AHDC1: variants seen among roughly 807,000 people sequenced by gnomAD.
The protein encoded by AHDC1 is transcription factor Gibbin.
In AHDC1, 7 loss-of-function variants were observed where a neutral mutation model predicts 87.9. The ratio of observed to expected loss-of-function variants is 0.08; its 90% confidence interval spans 0.05 to 0.15. AHDC1 has a LOEUF of 0.15. Among genes scored for constraint, AHDC1 ranks in the 10% least tolerant of loss-of-function variants. The pLI is 1.00. For synonymous variants in AHDC1, 1,051 were observed against 1,006.8 expected, an observed-to-expected ratio of 1.04 and a Z score of -0.83; for missense variants, 1,841 against 2,253.2, an observed-to-expected ratio of 0.82 and a Z score of 3.70.
intron 3 of AHDC1, among the ~76,000 whole-genome samples, chr1:27,575,316 G>A (rs2088686550): frequency 6.6e-6 from 1 of 152,212 alleles, no homozygotes; most frequent in Non-Finnish European, 1.5e-5. Flanking sequence ...CCAGGCGGCT[G>A]GGGGAGGGGC....
chr1:27,558,112 G>T lies in AHDC1; in HGVS notation c.-225+193C>A, dbSNP rs1259546322. 6.6e-6 allele frequency among the ~76,000 whole-genome samples: 1 copy of T among 152,216 alleles called. No individual in the cohort carries two copies. Among genetic ancestry groups the T allele is most frequent in the Non-Finnish European group, 1.5e-5 (1 of 68,022 alleles). Reference sequence around the variant, plus strand: ...TCTAGGGAGCTTCCTGGAGCCGCAGGCTTCATGTGTCAGTTCAGGGAGTTG... The same window carrying T: ...TCTAGGGAGCTTCCTGGAGCCGCAGTCTTCATGTGTCAGTTCAGGGAGTTG... On this transcript the variant is annotated intron_variant, in intron 5 of 8. Coordinates refer to ENST00000673934, the MANE Select transcript of AHDC1 (RefSeq NM_001371928.1). This position sits in a 1 kb window ranked among gnomAD's most constrained non-coding sequence, Gnocchi z 5.6.
intron 8 of AHDC1, among the ~76,000 whole-genome samples, chr1:27,544,824 C>A (rs1438058381): frequency 6.6e-6 from 1 of 152,200 alleles, no homozygotes; most frequent in African/African-American, 2.4e-5. Context: ...CTCCCTGCTT[C>A]AACACTAGCC....
chr1:27,545,812 A>G (rs80143757), intron 8 of AHDC1, among the ~76,000 whole-genome samples: 341 of 152,236 alleles, frequency 2.2e-3, no homozygotes, highest in Middle Eastern at 0.017. Flanking sequence ...AGGGATTATC[A>G]AAGTAAATTT....
chr1:27,558,796 C>T lies in AHDC1; in HGVS notation c.-541G>A, dbSNP rs547335560. 7.5e-6 allele frequency: 3 copies of T among 398,622 alleles called. No individual in the cohort carries two copies. The highest frequency in any genetic ancestry group is 2.5e-4 in the South Asian group (2 of 7,856). 24.7% of individuals were successfully genotyped at this position (398,622 alleles called of 1,614,324 possible). ...GTGGTCTCTGCAACGGCCTGAGCGT[C>T]GCCCCGCACTCGGGGCCCTCTGCAC... On this transcript the variant is annotated 5_prime_UTR_variant, in exon 4 of 9. Transcript: ENST00000673934. This position sits in a 1 kb window ranked among gnomAD's most constrained non-coding sequence, Gnocchi z 5.6.
In AHDC1 at chr1:27,551,901, C is replaced by T. The variant is rs967063742; in HGVS notation, c.215G>A (p.Arg72Gln). The T allele has an allele frequency of 1.6e-5, 26 of 1,592,144 alleles. No homozygotes were observed. Among genetic ancestry groups the T allele is most frequent in the Non-Finnish European group, 2.2e-5 (26 of 1,168,318 alleles). Residue 72 changes from arginine (R) to glutamine (Q), a missense_variant, in exon 8 of 9, where the codon CGG becomes CAG. This residue lies in a region of AHDC1 where 142 missense variants were observed against 165.6 expected (regional missense o/e 0.86). Coordinates refer to ENST00000673934, the MANE Select transcript of AHDC1 (RefSeq NM_001371928.1). ...CCCCTTGGCAAGGACTGGTGGGCGCCGGGTGCTGGGGTCCCGGCGTGGGGG... is the reference window on the plus strand; with the variant it reads ...CCCCTTGGCAAGGACTGGTGGGCGCTGGGTGCTGGGGTCCCGGCGTGGGGG... ...RPPPRRDPST[R>Q]RPPVLAKGDD...
At chr1:27,557,812 T>C (rs999200601) in intron 5 of AHDC1, among the ~76,000 whole-genome samples, 5 of 152,194 alleles carry the variant, frequency 3.3e-5, no homozygotes, top group African/African-American at 1.2e-4. Flanking sequence ...TACTTCCGGG[T>C]ACCACATACA....
At position 27,547,649 on chromosome 1, in the gene AHDC1, A is replaced by G; in HGVS notation, c.4467T>C (p.Ala1489=). The G allele has an allele frequency of 6.3e-7, 1 of 1,598,876 alleles. No individual in the cohort carries two copies. The highest frequency in any genetic ancestry group is 8.5e-7 in the Non-Finnish European group (1 of 1,173,434). Residue 1489 remains alanine, a synonymous_variant, in exon 8 of 9, where the codon GCT becomes GCC. Coordinates refer to ENST00000673934, the MANE Select transcript of AHDC1 (RefSeq NM_001371928.1). This position sits in a 1 kb window ranked among gnomAD's most constrained non-coding sequence, Gnocchi z 4.9. The stretch of plus-strand genomic sequence containing the variant: ...CGGCCTCCGTCCTGCCCAGGAAGTC[A>G]GCCAGCAGCCCTGTACCCACCTTGC... ...YEGKVGTGLL[A]DFLGRTEAAC...
At position 27,548,960 on chromosome 1, in the gene AHDC1, C is replaced by T. The variant is rs752982432; in HGVS notation, c.3156G>A (p.Thr1052=). 71 of 1,571,684 alleles carry T rather than the reference C, an allele frequency of 4.5e-5. No homozygotes were observed. The highest frequency in any genetic ancestry group is 4.0e-4 in the South Asian group (35 of 86,664). ...TGGCCCGGCTGTCACAGCGCAGGGG[C>T]GTGGGGGCTGAACCAGAGAAGGGGG... ...EGAPFSGSAP[T]PLRCDSRAST... Residue 1052 remains threonine (T), a synonymous_variant, in exon 8 of 9, where the codon ACG becomes ACA. Transcript: ENST00000673934.
At chr1:27,544,756 C>T (rs1301050976) in intron 8 of AHDC1, among the ~76,000 whole-genome samples, 4 of 152,176 alleles carry the variant, frequency 2.6e-5, no homozygotes, top group African/African-American at 7.2e-5. Flanking sequence ...AGGGGGCAGC[C>T]GTCCCACCAC....
At position 27,547,603 on chromosome 1, in the gene AHDC1, G is replaced by C; in HGVS notation, c.4513C>G (p.Leu1505Val). The change falls in exon 8 of 9, where the codon CTG becomes GTG. Residue 1505 changes from leucine to valine, a missense_variant. By Grantham distance (32) the Leu-to-Val change is conservative (BLOSUM62 1). Transcript: ENST00000673934. The surrounding 1 kb of genome is among the most constrained non-coding windows in gnomAD (Gnocchi z 4.9). Reference protein sequence around the residue: ...TEAACLSAPHLASPPATPKAD... With the variant: ...TEAACLSAPHVASPPATPKAD... ...TTGGGCGTGGCTGGTGGGCTAGCCAGGTGAGGGGCACTGAGGCACGCGGCC... is the reference window on the plus strand; with the variant it reads ...TTGGGCGTGGCTGGTGGGCTAGCCACGTGAGGGGCACTGAGGCACGCGGCC... 3 of 1,605,464 alleles carry C rather than the reference G, an allele frequency of 1.9e-6. No individual in the cohort carries two copies. Among genetic ancestry groups the C allele is most frequent in the Non-Finnish European group, 2.5e-6 (3 of 1,176,826 alleles).
intron 3 of AHDC1, among the ~76,000 whole-genome samples, chr1:27,586,971 C>T (rs1379467927): frequency 1.3e-5 from 2 of 152,154 alleles, no homozygotes; most frequent in African/African-American, 4.8e-5. Flanking sequence ...AGGCCCTGGC[C>T]CCTCATTTGG....
rs1423817684 is a variant in AHDC1 at position 27,565,112 on chromosome 1, G to T, written c.-628-6229C>A. Among the ~76,000 whole-genome samples, 1 of 152,176 alleles carries T rather than the reference G, an allele frequency of 6.6e-6. No homozygotes were observed. Among genetic ancestry groups the T allele is most frequent in the Non-Finnish European group, 1.5e-5 (1 of 68,012 alleles). ...CAGCGGCGATCTGGGCGGCTGGCAG[G>T]CATGCTCGCTCCCGCGCAGGGAAGC... is the stretch of plus-strand genomic sequence containing the variant. On this transcript the variant is annotated intron_variant, in intron 3 of 8. Transcript: ENST00000673934. The surrounding 1 kb of genome is among the most constrained non-coding windows in gnomAD (Gnocchi z 4.6).
In AHDC1 at chr1:27,549,072, G is replaced by A. The variant is rs1288645383; in HGVS notation, c.3044C>T (p.Ala1015Val). ...GNSLPASPSS[A>V]HSAGYAPPPT... The stretch of plus-strand genomic sequence containing the variant: ...CGGTGGGGCATAGCCGGCGCTGTGG[G>A]CGCTGCTGGGTGAGGCAGGGAGGCT... The change falls in exon 8 of 9, where the codon GCC becomes GTC. Residue 1015 changes from alanine to valine, a missense_variant. Ala to Val is a moderately conservative substitution (Grantham distance 64, BLOSUM62 0). Around this residue, in one of 13 missense-constraint regions of AHDC1, gnomAD observed 378 missense variants for 399.0 expected, o/e 0.95. Coordinates refer to ENST00000673934, the MANE Select transcript of AHDC1 (RefSeq NM_001371928.1). The A allele has an allele frequency of 5.1e-6, 8 of 1,563,884 alleles. No individual in the cohort carries two copies. Among genetic ancestry groups the A allele is most frequent in the African/African-American group, 1.4e-5 (1 of 73,424 alleles).
rs1357427038 is a variant in AHDC1 at position 27,590,970 on chromosome 1, CATGATTT to C, written c.-629+12420_-629+12426del. Among the ~76,000 whole-genome samples the C allele has an allele frequency of 6.6e-6, 1 of 152,144 alleles. No homozygotes were observed. The highest frequency in any genetic ancestry group is 1.5e-5 in the Non-Finnish European group (1 of 68,010). On this transcript the variant is annotated intron_variant, in intron 3 of 8. Coordinates refer to ENST00000673934, the MANE Select transcript of AHDC1 (RefSeq NM_001371928.1). The surrounding 1 kb of genome is among the most constrained non-coding windows in gnomAD (Gnocchi z 5.4). ...GTTGAGGAGGAGAAACGAGATGCTC[CATGATTT>C]ATGAGCCTAATTCTTTTCCCTTAAA...
intron 8 of AHDC1, among the ~76,000 whole-genome samples, chr1:27,540,493 T>A (rs2018855755): frequency 6.6e-6 from 1 of 151,570 alleles, no homozygotes; most frequent in Admixed American, 6.6e-5. Flanking sequence ...GTAATTGCCC[T>A]AAAGGAGTTG....
chr1:27,567,648 T>C (rs942477458), intron 3 of AHDC1, among the ~76,000 whole-genome samples: 1 of 152,148 alleles, frequency 6.6e-6, no homozygotes, highest in Admixed American at 6.5e-5. Context: ...CTAACCCTCC[T>C]CTTTGCTCAA....
chr1:27,577,223 G>C (rs757535900), intron 3 of AHDC1, among the ~76,000 whole-genome samples: 1 of 152,204 alleles, frequency 6.6e-6, no homozygotes, highest in Non-Finnish European at 1.5e-5. Context: ...GATCATAAAT[G>C]AGGAAAGAAA....
intron 3 of AHDC1, among the ~76,000 whole-genome samples, chr1:27,579,044 CT>C (rs367554284): frequency 5.8e-3 from 766 of 133,184 alleles, no homozygotes; most frequent in Middle Eastern, 0.012. Flanking sequence ...TGTTCTAAAT[CT>C]TTTTTTTTTT....
rs780659388 is a variant in AHDC1, at chr1:27,549,271, G to A, written c.2845C>T (p.Pro949Ser). The change falls in exon 8 of 9, where the codon CCC becomes TCC. Residue 949 changes from proline (P) to serine (S), a missense_variant. Transcript: ENST00000673934. ...RAAETFPKLVPPPSAMARSPT... is the reference protein window; with the variant it reads ...RAAETFPKLVSPPSAMARSPT... The stretch of plus-strand genomic sequence containing the variant: ...GAGCGGGCCATGGCTGAGGGCGGGG[G>A]CACCAGCTTGGGGAAGGTCTCGGCT... 1.9e-6 allele frequency: 3 copies of A among 1,603,478 alleles called. No individual in the cohort carries two copies. In the Admixed American group the frequency reaches 5.0e-5, roughly 27 times the overall value.
Sources: allele counts gnomAD v4.1 joint callset (sites outside exome capture counted in the v4.1 genomes callset), GRCh38; gene constraint gnomAD v4.1.1; regional missense constraint gnomAD v4.1.1; non-coding constraint Gnocchi (gnomAD v3.1); transcripts MANE v1.5; gene names NCBI Gene and HGNC (gene_info 2026-07-23, HGNC 2026-07-21).